RNF19A: variants seen among roughly 807,000 people sequenced by gnomAD.
RNF19A encodes E3 ubiquitin-protein ligase RNF19A.
In RNF19A, 32 loss-of-function variants were observed where a neutral mutation model predicts 75.7. The ratio of observed to expected loss-of-function variants is 0.42; its 90% CI spans 0.32 to 0.57. RNF19A has a LOEUF of 0.57. Ranked by LOEUF, RNF19A falls within the 20% of genes least tolerant of loss-of-function variation. RNF19A has a pLI of 0.10. For missense variants in RNF19A, 782 were observed against 1,036.3 expected (o/e 0.75, Z 3.37); for synonymous variants, 335 against 345.2 (o/e 0.97, Z 0.33).
At position 100,317,686 on chromosome 8, in the gene RNF19A, G is replaced by T. The variant is rs1822404145; in HGVS notation, c.-242-4314C>A. Among the ~76,000 whole-genome samples the T allele has an allele frequency of 6.6e-6, 1 of 152,156 alleles. No individual in the cohort carries two copies. The highest frequency in any genetic ancestry group is 2.1e-4 in the South Asian group (1 of 4,830). ...CCAGAGGCTTCTACAAATTGAGCTG[G>T]TTAGACAAACTCCATGTTTGACAGG... On this transcript the variant is annotated intron_variant, in intron 1 of 3. Transcript: ENST00000519527. The surrounding 1 kb of genome is among the most constrained non-coding windows in gnomAD (Gnocchi z 4.3).
chr8:100,319,458 CT>C (rs1822432773), intron 1 of RNF19A, among the ~76,000 whole-genome samples: 1 of 151,586 alleles, frequency 6.6e-6, no homozygotes, highest in African/African-American at 2.4e-5. Context: ...TACTTTGCAC[CT>C]TCCCCTAGTG....
At chr8:100,295,306 A>G (rs1221715788) in intron 1 of RNF19A, among the ~76,000 whole-genome samples, 2 of 152,246 alleles carry the variant, frequency 1.3e-5, no homozygotes, top group African/African-American at 4.8e-5. Flanking sequence ...TAGACTTTAG[A>G]TACTTTTGAC....
chr8:100,290,726 G>A (rs981478147), intron 1 of RNF19A, among the ~76,000 whole-genome samples: 1 of 152,094 alleles, frequency 6.6e-6, no homozygotes, highest in Non-Finnish European at 1.5e-5. Context: ...TGATTTTGTC[G>A]TGTGATCACA....
chr8:100,316,171 T>A (rs1586696591), intron 1 of RNF19A, among the ~76,000 whole-genome samples: 1 of 151,336 alleles, frequency 6.6e-6, no homozygotes, highest in Non-Finnish European at 1.5e-5. Flanking sequence ...TAAGACGGCG[T>A]GTCTGGAGTT....
rs1160232194 is a variant in RNF19A at position 100,261,219 on chromosome 8, C to G, written c.1682+323G>C. ...AAGTGATCCTCCTACCTCAGCCTCC[C>G]GACCAGCTGGGACTACAGGTGCATG... On this transcript the variant is annotated intron_variant, in intron 8 of 9. Coordinates refer to ENST00000341084, the MANE Select transcript of RNF19A (RefSeq NM_183419.4). The surrounding 1 kb of genome is among the most constrained non-coding windows in gnomAD (Gnocchi z 4.4). Among the ~76,000 whole-genome samples the G allele has an allele frequency of 6.6e-6, 1 of 151,994 alleles. No individual in the cohort carries two copies. The highest frequency in any genetic ancestry group is 1.5e-5 in the Non-Finnish European group (1 of 68,000).
intron 1 of RNF19A, among the ~76,000 whole-genome samples, chr8:100,306,396 T>C (rs1822062582): frequency 6.6e-6 from 1 of 152,096 alleles, no homozygotes; most frequent in South Asian, 2.1e-4. Context: ...TAACAGTAAT[T>C]CTTTAGTAAA....
chr8:100,309,666 C>A (rs1822219229), intron 1 of RNF19A: 1 of 932,876 alleles, frequency 1.1e-6, no homozygotes, highest in Non-Finnish European at 1.3e-6. Context: ...TGACCGAGGC[C>A]TGACCCCCTA....
Position 100,275,488 on chromosome 8 carries a change from A to C in RNF19A, c.675-327T>G, listed in dbSNP as rs1820463029. ...GCATGATGCTGAGGTTTGGGCTTCT[A>C]ATGATTCTGTCGCCCAAACAGTGAA... On this transcript the variant is annotated intron_variant, in intron 2 of 9. Coordinates refer to ENST00000341084, the MANE Select transcript of RNF19A (RefSeq NM_183419.4). This position sits in a 1 kb window ranked among gnomAD's most constrained non-coding sequence, Gnocchi z 4.3. Among the ~76,000 whole-genome samples, 2 of 151,890 alleles carry C rather than the reference A, an allele frequency of 1.3e-5. No individual in the cohort carries two copies. Among genetic ancestry groups the C allele is most frequent in the South Asian group, 4.2e-4 (2 of 4,816 alleles).
Position 100,261,907 on chromosome 8 carries a change from C to T in RNF19A, c.1469-152G>A. The T allele has an allele frequency of 1.3e-6, 1 of 764,772 alleles. No homozygotes were observed. The highest frequency in any genetic ancestry group is 2.7e-5 in the East Asian group (1 of 37,164). 47.4% of individuals were successfully genotyped at this position (764,772 alleles called of 1,614,324 possible). ...TTTTTTCAGGCTAGTCCACTAGAAG[C>T]AGTGGGAATAGAGCCAACAATTTTA... On this transcript the variant is annotated intron_variant, in intron 7 of 9. Transcript: ENST00000341084. This position sits in a 1 kb window ranked among gnomAD's most constrained non-coding sequence, Gnocchi z 4.4.
At chr8:100,262,584 TTTTGGGC>T (rs751679141) in intron 7 of RNF19A, among the ~76,000 whole-genome samples, 21 of 152,146 alleles carry the variant, frequency 1.4e-4, no homozygotes, top group Non-Finnish European at 2.8e-4. Context: ...ATGTGGGGCC[TTTTGGGC>T]TATGATAAGG....
rs1351699978 is a variant in RNF19A, at chr8:100,288,028, T to C, written c.147A>G (p.Ser49=). Residue 49 remains serine (S), a synonymous_variant, in exon 2 of 10, where the codon TCA becomes TCG. Transcript: ENST00000341084. ...TTTTGACTGAAGGCAAGCTCACAGATGAAGCAGAGGACTGAAGATCTCGAT... is the reference window on the plus strand; with the variant it reads ...TTTTGACTGAAGGCAAGCTCACAGACGAAGCAGAGGACTGAAGATCTCGAT... ...GSDRDLQSSA[S]SVSLPSVKKA... The C allele has an allele frequency of 1.8e-5, 29 of 1,614,122 alleles. No individual in the cohort carries two copies. The highest frequency in any genetic ancestry group is 1.6e-4 in the Middle Eastern group (1 of 6,084).
intron 1 of RNF19A, among the ~76,000 whole-genome samples, chr8:100,289,382 C>G (rs564580645): frequency 5.3e-4 from 80 of 152,172 alleles, no homozygotes; most frequent in African/African-American, 1.8e-3. Context: ...AATCAACAGA[C>G]AGTATTAAGG....
At chr8:100,263,204 G>A (rs1382929011) in intron 7 of RNF19A, among the ~76,000 whole-genome samples, 1 of 152,142 alleles carries the variant, frequency 6.6e-6, no homozygotes, top group Non-Finnish European at 1.5e-5. Flanking sequence ...ACATTTAGAG[G>A]TCAGAAGAGG....
chr8:100,276,345 C>A (rs1287673245), intron 2 of RNF19A, among the ~76,000 whole-genome samples: 1 of 152,060 alleles, frequency 6.6e-6, no homozygotes, highest in Non-Finnish European at 1.5e-5. Flanking sequence ...ATGTTACATA[C>A]TGTATGATTC....
At chr8:100,267,183 T>C (rs1820023899) in intron 5 of RNF19A, among the ~76,000 whole-genome samples, 3 of 152,304 alleles carry the variant, frequency 2.0e-5, no homozygotes, top group East Asian at 3.9e-4. Context: ...ATGGAACTTA[T>C]ATTAAGAATT....
intron 2 of RNF19A, among the ~76,000 whole-genome samples, chr8:100,277,048 TA>T (rs1407786326): frequency 2.6e-5 from 4 of 152,320 alleles, no homozygotes; most frequent in Admixed American, 1.3e-4. Context: ...ATTACCTCTA[TA>T]AAACTTTCAA....
chr8:100,291,708 C>CA, intron 1 of RNF19A, among the ~76,000 whole-genome samples: 1 of 152,114 alleles, frequency 6.6e-6, no homozygotes, highest in South Asian at 2.1e-4. Context: ...GGTCAAATAA[C>CA]AGTTTTTGCT....
chr8:100,321,124 T>G (rs1231997028), intron 1 of RNF19A, among the ~76,000 whole-genome samples: 1 of 152,194 alleles, frequency 6.6e-6, no homozygotes, highest in African/African-American at 2.4e-5. Flanking sequence ...AAGATAACAA[T>G]GAAGTTTGCC....
chr8:100,294,864 T>G (rs552712583), intron 1 of RNF19A, among the ~76,000 whole-genome samples: 1 of 152,308 alleles, frequency 6.6e-6, no homozygotes, highest in Non-Finnish European at 1.5e-5. Flanking sequence ...TTAAAAGATT[T>G]TCTTGCATTA....
Sources: gnomAD v4.1 joint callset for allele counts (sites outside exome capture counted in the v4.1 genomes callset) on GRCh38, gnomAD v4.1.1 for gene constraint, Gnocchi (gnomAD v3.1) non-coding constraint, MANE v1.5 for transcripts, NCBI Gene and HGNC (gene_info 2026-07-23, HGNC 2026-07-21) for gene names.